Variants in ARHGEF17 observed in about 807,000 individuals in gnomAD.
The protein encoded by ARHGEF17 is Rho guanine nucleotide exchange factor 17, also known as 164 kDa Rho-specific guanine-nucleotide exchange factor.
A neutral mutation model predicts 174.0 loss-of-function variants in ARHGEF17; 80 were observed. That is an observed-to-expected ratio of 0.46 (90% CI 0.38 to 0.55). ARHGEF17 has a LOEUF of 0.55. ARHGEF17 is among the 20% of genes least tolerant of loss of function. The pLI is 0.00. For missense variants in ARHGEF17, 2,886 were observed against 2,839.7 expected (o/e 1.02, Z -0.37); for synonymous variants, 1,311 against 1,189.1 (o/e 1.10, Z -2.11).
intron 1 of ARHGEF17, among the ~76,000 whole-genome samples, chr11:73,317,095 G>A (rs1461317034): frequency 6.6e-6 from 1 of 152,102 alleles, no homozygotes; most frequent in African/African-American, 2.4e-5. Flanking sequence ...AAGTCCCCAG[G>A]GTGGACTGGG....
chr11:73,314,316 T>C (rs1864892825), intron 1 of ARHGEF17, among the ~76,000 whole-genome samples: 2 of 152,224 alleles, frequency 1.3e-5, no homozygotes, highest in South Asian at 4.1e-4. Context: ...CCCTGGGGAC[T>C]AAGGGGATGC....
intron 20 of ARHGEF17, among the ~76,000 whole-genome samples, chr11:73,366,446 G>T (rs1316296232): frequency 6.6e-6 from 1 of 152,106 alleles, no homozygotes; most frequent in African/African-American, 2.4e-5. Context: ...AAACAGCCGG[G>T]TGCCAGGCGC....
At chr11:73,367,284 A>C (rs1392595738) in intron 20 of ARHGEF17, among the ~76,000 whole-genome samples, 1 of 152,202 alleles carries the variant, frequency 6.6e-6, no homozygotes, top group East Asian at 1.9e-4. Flanking sequence ...ATCAAGAGAG[A>C]TAGAAAGTGG....
At chr11:73,327,800 T>TA (rs1591730851) in intron 1 of ARHGEF17, among the ~76,000 whole-genome samples, 1 of 152,110 alleles carries the variant, frequency 6.6e-6, no homozygotes, top group South Asian at 2.1e-4. Context: ...TACTTGATCT[T>TA]ACATTCAGCT....
At chr11:73,317,055 G>C (rs1419310151) in intron 1 of ARHGEF17, among the ~76,000 whole-genome samples, 2 of 152,152 alleles carry the variant, frequency 1.3e-5, no homozygotes, top group African/African-American at 4.8e-5. Context: ...TGTGTGAGGG[G>C]TCACTTAGGG....
Position 73,309,317 on chromosome 11 carries a change from G to C in ARHGEF17, c.679G>C (p.Ala227Pro). The change falls in exon 1 of 21, where the codon GCC (alanine) becomes CCC (proline). Residue 227 changes from alanine to proline, a missense_variant. Ala to Pro is a conservative substitution (Grantham distance 27). This residue lies in a region of ARHGEF17 where 1,728 missense variants were observed against 1,461.2 expected (regional missense o/e 1.18). Coordinates refer to ENST00000263674, the MANE Select transcript of ARHGEF17 (RefSeq NM_014786.4). Reference protein sequence around the residue: ...WHIFSQPQAGARASCSSSSIA... With the variant: ...WHIFSQPQAGPRASCSSSSIA... ...TATCTTCTCCCAACCGCAGGCCGGG[G>C]CCCGGGCCTCCTGCTCCTCCTCCTC... The C allele has an allele frequency of 6.2e-7, 1 of 1,602,724 alleles. No individual in the cohort carries two copies. The highest frequency in any genetic ancestry group is 8.5e-7 in the Non-Finnish European group (1 of 1,178,650).
At chr11:73,329,364 TATA>T (rs1289283476) in intron 1 of ARHGEF17, among the ~76,000 whole-genome samples, 4 of 18,740 alleles carry the variant, frequency 2.1e-4, no homozygotes, top group Non-Finnish European at 3.3e-4. Context: ...TATATATATA[TATA>T]TATATATTTT....
intron 1 of ARHGEF17, among the ~76,000 whole-genome samples, chr11:73,319,283 C>T (rs980293064): frequency 2.6e-5 from 4 of 152,092 alleles, no homozygotes; most frequent in African/African-American, 9.7e-5. Context: ...AGGATGGTCT[C>T]GATTTCTTGA....
At position 73,357,012 on chromosome 11, in the gene ARHGEF17, T is replaced by A. The variant is rs1158118327; in HGVS notation, c.3892-13T>A. 1 of 1,613,882 alleles carries A rather than the reference T, an allele frequency of 6.2e-7. No individual in the cohort carries two copies. Among genetic ancestry groups the A allele is most frequent in the Non-Finnish European group, 8.5e-7 (1 of 1,179,826 alleles). ...GTGTCCACCCAGCCTGAATTCTGCC[T>A]TGGGCTCCACAGAAGGCGATCGGTG... is the stretch of plus-strand genomic sequence containing the variant. On this transcript the variant is annotated splice_polypyrimidine_tract_variant and intron_variant, in intron 7 of 20. Coordinates refer to ENST00000263674, the MANE Select transcript of ARHGEF17 (RefSeq NM_014786.4).
chr11:73,356,308 G>A lies in ARHGEF17; in HGVS notation c.3797G>A (p.Arg1266His), dbSNP rs747884675. Residue 1266 changes from arginine (R) to histidine (H), a missense_variant, in exon 6 of 21, where the codon CGT becomes CAT. Physicochemically the swap from Arg to His is conservative, Grantham distance 29 (BLOSUM62 0). Coordinates refer to ENST00000263674, the MANE Select transcript of ARHGEF17 (RefSeq NM_014786.4). ...RSAEEAERHA[R>H]VLQEIEAHIE... Reference sequence around the variant, plus strand: ...GCCGAGGAGGCGGAGCGCCATGCCCGTGTGCTGCAGGAGATAGAGGCTCAC... The same window carrying A: ...GCCGAGGAGGCGGAGCGCCATGCCCATGTGCTGCAGGAGATAGAGGCTCAC... The A allele has an allele frequency of 2.2e-5, 35 of 1,613,006 alleles. No individual in the cohort carries two copies. The highest frequency in any genetic ancestry group is 2.6e-5 in the Non-Finnish European group (31 of 1,180,024).
chr11:73,348,434 G>A (rs116768557), intron 2 of ARHGEF17, among the ~76,000 whole-genome samples: 170 of 152,274 alleles, frequency 1.1e-3, no homozygotes, highest in African/African-American at 3.9e-3. Flanking sequence ...ACAGGGATAC[G>A]CCTTAAAAGG....
chr11:73,348,227 T>C (rs879613111), intron 2 of ARHGEF17, among the ~76,000 whole-genome samples: 6 of 152,216 alleles, frequency 3.9e-5, no homozygotes, highest in African/African-American at 7.2e-5. Context: ...CATTCATTCA[T>C]TCATTCACTC....
intron 2 of ARHGEF17, among the ~76,000 whole-genome samples, chr11:73,349,306 A>G (rs368082310): frequency 2.0e-5 from 3 of 152,128 alleles, no homozygotes; most frequent in South Asian, 2.1e-4. Flanking sequence ...TAATCTACCT[A>G]TCTCCCATCA....
chr11:73,324,502 G>A (rs1305975864), intron 1 of ARHGEF17, among the ~76,000 whole-genome samples: 1 of 152,228 alleles, frequency 6.6e-6, no homozygotes. Context: ...GATGGGCAAA[G>A]GGTGCCGTCC....
chr11:73,367,643 C>A lies in ARHGEF17; in HGVS notation c.6055C>A (p.Pro2019Thr), dbSNP rs755173764. 8.1e-6 allele frequency: 13 copies of A among 1,613,970 alleles called. No individual in the cohort carries two copies. The South Asian group carries it at 1.3e-4, about 16-fold the overall frequency. Residue 2019 changes from proline (P) to threonine (T), a missense_variant, in exon 21 of 21, where the codon CCT becomes ACT. By Grantham distance (38) the Pro-to-Thr change is conservative. Transcript: ENST00000263674. ...RDSPWHRGPA[P>T]ARPKMLVISG... ...CTCCCCTTGGCACCGAGGCCCCGCCCCTGCCAGGCCTAAAATGCTGGTTAT... is the reference window on the plus strand; with the variant it reads ...CTCCCCTTGGCACCGAGGCCCCGCCACTGCCAGGCCTAAAATGCTGGTTAT...
intron 1 of ARHGEF17, among the ~76,000 whole-genome samples, chr11:73,322,162 AAAGGT>A (rs1007134289): frequency 2.0e-5 from 3 of 152,160 alleles, no homozygotes; most frequent in Non-Finnish European, 4.4e-5. Context: ...TTCCCCCAAT[AAAGGT>A]CCCGATAGCT....
chr11:73,360,818 T>A (rs747158855), intron 11 of ARHGEF17, among the ~76,000 whole-genome samples: 4 of 152,098 alleles, frequency 2.6e-5, no homozygotes, highest in East Asian at 1.9e-4. Context: ...CTACACACAC[T>A]CTGAGCAGGG....
intron 1 of ARHGEF17, among the ~76,000 whole-genome samples, chr11:73,344,805 T>C (rs1464798745): frequency 1.3e-5 from 2 of 152,216 alleles, no homozygotes; most frequent in Non-Finnish European, 2.9e-5. Flanking sequence ...GCTGGGGACC[T>C]GTGGCCCGTG....
At position 73,365,212 on chromosome 11, in the gene ARHGEF17, G is replaced by A. The variant is rs1004178858; in HGVS notation, c.5551-178G>A. On this transcript the variant is annotated intron_variant, in intron 18 of 20. Transcript: ENST00000263674. The surrounding 1 kb of genome is among the most constrained non-coding windows in gnomAD (Gnocchi z 4.9). Reference sequence around the variant, plus strand: ...TTAATGGGGAAAAAGCACCTCCATTGTAATTCCTGAGAACTAAGTTGGGAG... The same window carrying A: ...TTAATGGGGAAAAAGCACCTCCATTATAATTCCTGAGAACTAAGTTGGGAG... The A allele has an allele frequency of 1.2e-5, 8 of 649,342 alleles. No homozygotes were observed. The African/African-American group carries it at 1.5e-4, about 12-fold the overall frequency. 40.2% of individuals were successfully genotyped at this position (649,342 alleles called of 1,614,324 possible). A position where few individuals can be genotyped will look rare whatever the true frequency, so the allele number is the denominator to read the frequency against.
Sources: gnomAD v4.1 joint callset for allele counts (sites outside exome capture counted in the v4.1 genomes callset) on GRCh38, gnomAD v4.1.1 for gene constraint, gnomAD v4.1.1 regional missense constraint, Gnocchi (gnomAD v3.1) non-coding constraint, MANE v1.5 for transcripts, NCBI Gene and HGNC (gene_info 2026-07-23, HGNC 2026-07-21) for gene names.